Variants in EFCAB8 observed in about 807,000 individuals in gnomAD.
The protein encoded by EFCAB8 is EF-hand calcium binding domain 8, also known as EF-hand calcium-binding domain-containing protein 8.
EFCAB8 carries 100 observed loss-of-function variants against 116.3 expected under a neutral mutation model. The observed-to-expected ratio is 0.86, with a 90% CI of 0.73 to 1.02. The LOEUF (loss-of-function observed/expected upper bound fraction) is 1.02, where lower values mean the gene tolerates loss of function less well. EFCAB8 is among the 50% of genes least tolerant of loss of function. The pLI, the probability that EFCAB8 is intolerant of heterozygous loss-of-function variation, is 0.00. For missense variants in EFCAB8, 1,320 were observed against 1,416.9 expected (o/e 0.93, Z 1.10); for synonymous variants, 558 against 567.9 (o/e 0.98, Z 0.25).
intron 24 of EFCAB8, among the ~76,000 whole-genome samples, chr20:32,958,831 C>G (rs1044816616): frequency 1.3e-5 from 2 of 152,246 alleles, no homozygotes; most frequent in African/African-American, 4.8e-5. Flanking sequence ...CCCTGTCCCC[C>G]AGCCAGGCCC....
At chr20:32,919,956 C>G (rs1936309) in intron 19 of EFCAB8, 122 bp from the exon 20 acceptor site, 803,288 of 1,278,858 alleles carry the variant, frequency 0.63, 258,169 homozygotes, top group African/African-American at 0.73. Flanking sequence ...TTTTCCCAGG[C>G]CAGTGTACCT....
intron 15 of EFCAB8, 39 bp downstream of exon 15, chr20:32,909,970 C>G (rs1986844034): frequency 9.1e-7 from 1 of 1,101,168 alleles, no homozygotes; most frequent in African/African-American, 1.6e-5. Context: ...CTGGCGGGAA[C>G]ACCAGGTGAC....
intron 20 of EFCAB8, among the ~76,000 whole-genome samples, chr20:32,923,820 G>T (rs979578386): frequency 6.6e-6 from 1 of 152,112 alleles, no homozygotes; most frequent in Admixed American, 6.6e-5. Flanking sequence ...TGGGTACACT[G>T]CACAGAGTCT....
At chr20:32,900,716 G>A (rs60562366) in intron 11 of EFCAB8, among the ~76,000 whole-genome samples, 243 of 152,222 alleles carry the variant, frequency 1.6e-3, no homozygotes, top group African/African-American at 5.5e-3. Flanking sequence ...ACAGGTGTGC[G>A]CCACCATGCC....
intron 11 of EFCAB8, among the ~76,000 whole-genome samples, chr20:32,899,422 G>T (rs991711694): frequency 7.3e-6 from 1 of 136,340 alleles, no homozygotes; most frequent in East Asian, 2.0e-4. Context: ...AAAAAAAAAA[G>T]AAAAACCAAT....
At chr20:32,920,610 G>A (rs1294695386) in intron 20 of EFCAB8, among the ~76,000 whole-genome samples, 2 of 152,126 alleles carry the variant, frequency 1.3e-5, no homozygotes, top group African/African-American at 2.4e-5. Context: ...ATCAGATCTC[G>A]CTGAGACTTG....
intron 22 of EFCAB8, among the ~76,000 whole-genome samples, chr20:32,934,124 G>A (rs1046215234): frequency 6.6e-6 from 1 of 151,568 alleles, no homozygotes; most frequent in African/African-American, 2.4e-5. Flanking sequence ...GATTACAGGT[G>A]TGAGCCACCG....
rs141884943 is a variant in EFCAB8, at chr20:32,919,745, C to T, written c.2275-333C>T. Among the ~76,000 whole-genome samples the T allele has an allele frequency of 1.4e-3, 206 of 152,156 alleles. 2 individuals carry two copies. The highest frequency in any genetic ancestry group is 4.7e-3 in the African/African-American group (194 of 41,496). On this transcript the variant is annotated intron_variant, in intron 19 of 26. Transcript: ENST00000400522. Reference sequence around the variant, plus strand: ...GACTCCTGGCCTGAAATTATCTGCCCGCCTCAGCCTCCCAAAGTGCTGGAA... The same window carrying T: ...GACTCCTGGCCTGAAATTATCTGCCTGCCTCAGCCTCCCAAAGTGCTGGAA...
At chr20:32,864,376 A>C (rs1328895778) in intron 2 of EFCAB8, among the ~76,000 whole-genome samples, 4 of 151,788 alleles carry the variant, frequency 2.6e-5, no homozygotes, top group Admixed American at 2.6e-4. Flanking sequence ...TGAGCCCAGG[A>C]GTTTGAGACC....
chr20:32,909,782 T>A (rs1004052608), intron 14 of EFCAB8, 39 bp from the exon 15 acceptor site: 32 of 1,116,872 alleles, frequency 2.9e-5, no homozygotes, highest in Non-Finnish European at 3.7e-5. Flanking sequence ...GCAGAGCCCT[T>A]CTGACAGACA....
intron 16 of EFCAB8, 63 bp downstream of exon 16, chr20:32,911,770 T>G: frequency 6.7e-7 from 1 of 1,486,064 alleles, no homozygotes; most frequent in Non-Finnish European, 9.2e-7. Flanking sequence ...ACAGCTCCTT[T>G]GACCCTGGGA....
At chr20:32,872,331 C>T (rs899111476) in intron 3 of EFCAB8, among the ~76,000 whole-genome samples, 3 of 152,144 alleles carry the variant, frequency 2.0e-5, no homozygotes, top group African/African-American at 7.3e-5. Context: ...GCACAGAGAA[C>T]AATGCCTGGC....
chr20:32,909,051 CCCA>C (rs776797697), intron 14 of EFCAB8, among the ~76,000 whole-genome samples: 3 of 152,224 alleles, frequency 2.0e-5, no homozygotes, highest in Non-Finnish European at 4.4e-5. Flanking sequence ...TGAGCCACAA[CCCA>C]CAGATGGGAG....
chr20:32,939,155 CT>C (rs544477108), intron 22 of EFCAB8, among the ~76,000 whole-genome samples: 3 of 79,828 alleles, frequency 3.8e-5, no homozygotes, highest in Non-Finnish European at 8.1e-5. Context: ...TTCTTTCTTT[CT>C]TTCTTTCTTT....
intron 2 of EFCAB8, among the ~76,000 whole-genome samples, chr20:32,864,974 T>C (rs1364520580): frequency 6.6e-6 from 1 of 152,204 alleles, no homozygotes; most frequent in Non-Finnish European, 1.5e-5. Context: ...CTCTCTGTTT[T>C]GCAGATGAGG....
At chr20:32,875,780 A>G in intron 3 of EFCAB8, 146 bp from the exon 4 acceptor site, 1 of 639,838 alleles carries the variant, frequency 1.6e-6, no homozygotes. Context: ...AAGTGCTGGA[A>G]TTACAAGCAT....
intron 22 of EFCAB8, among the ~76,000 whole-genome samples, chr20:32,937,238 C>G (rs1163066019): frequency 1.1e-4 from 16 of 152,078 alleles, no homozygotes; most frequent in Non-Finnish European, 2.1e-4. Flanking sequence ...CCTCGGCCTC[C>G]CAAAGTGCTG....
chr20:32,928,172 G>T (rs775613910), intron 20 of EFCAB8, among the ~76,000 whole-genome samples: 2 of 151,978 alleles, frequency 1.3e-5, no homozygotes, highest in Non-Finnish European at 2.9e-5. Context: ...TATTGTCAAT[G>T]GAATTATTTT....
intron 17 of EFCAB8, among the ~76,000 whole-genome samples, chr20:32,915,290 T>G (rs1470986174): frequency 1.3e-5 from 2 of 152,244 alleles, no homozygotes; most frequent in East Asian, 3.8e-4. Flanking sequence ...AACCAGGAAC[T>G]CCTTCAATAT....
Sources: gnomAD v4.1 joint callset for allele counts (sites outside exome capture counted in the v4.1 genomes callset) on GRCh38, gnomAD v4.1.1 for gene constraint, MANE v1.5 for transcripts, NCBI Gene and HGNC (gene_info 2026-07-23, HGNC 2026-07-21) for gene names.